Variants in EDA observed in about 807,000 individuals in gnomAD.
EDA encodes the protein ectodysplasin A.
EDA carries 2 observed loss-of-function variants against 23.6 expected under a neutral mutation model. That is an observed-to-expected ratio of 0.08 (90% CI 0.03 to 0.27). The LOEUF is 0.27. EDA is among the 10% of genes least tolerant of loss of function. EDA has a pLI of 1.00. For synonymous variants in EDA, 131 were observed against 132.0 expected, an observed-to-expected ratio of 0.99 and a Z score of 0.05; for missense variants, 229 against 324.2, an observed-to-expected ratio of 0.71 and a Z score of 2.26.
intron 1 of EDA, among the ~76,000 whole-genome samples, chrX:69,830,949 A>G: frequency 9.0e-6 from 1 of 111,664 alleles, no homozygotes; most frequent in Non-Finnish European, 1.9e-5. Context: ...TATACCACAT[A>G]CTATGTTTCT....
intron 1 of EDA, among the ~76,000 whole-genome samples, chrX:69,727,169 T>C (rs2012839168): frequency 9.0e-6 from 1 of 111,669 alleles, no homozygotes; most frequent in Non-Finnish European, 1.9e-5. Context: ...AGTGAACTCC[T>C]CTCGACGACT....
rs1274885906 is a variant in EDA at position 70,027,968 on chromosome X, T to C, written c.638T>C (p.Val213Ala). 1 of 1,189,651 alleles carries C rather than the reference T, an allele frequency of 8.4e-7. No individual in the cohort carries two copies. The highest frequency in any genetic ancestry group is 1.9e-5 in the South Asian group (1 of 54,015). ...ATTCCTGGAATTCCAGGAACAACTG[T>C]TATGGGACCACCTGGTCCTCCAGGT... ...PGIPGIPGTTVMGPPGPPGPP... is the reference protein window; with the variant it reads ...PGIPGIPGTTAMGPPGPPGPP... The change falls in exon 4 of 8, where the codon GTT becomes GCT. Residue 213 changes from valine (V) to alanine (A), a missense_variant. This residue lies in a region of EDA where 175 missense variants were observed against 281.8 expected (regional missense o/e 0.62). Coordinates refer to ENST00000374552, the MANE Select transcript of EDA (RefSeq NM_001399.5).
At chrX:69,803,153 C>T (rs1173495732) in intron 1 of EDA, among the ~76,000 whole-genome samples, 1 of 111,365 alleles carries the variant, frequency 9.0e-6, no homozygotes, top group Non-Finnish European at 1.9e-5. Context: ...TCCATACCAA[C>T]CCTTCTGTGA....
intron 1 of EDA, among the ~76,000 whole-genome samples, chrX:69,630,867 A>G (rs777105323): frequency 4.5e-5 from 5 of 111,327 alleles, no homozygotes; most frequent in Admixed American, 9.6e-5. Context: ...ATTTATTTCC[A>G]CAAGTTGTAG....
intron 1 of EDA, among the ~76,000 whole-genome samples, chrX:69,771,047 T>A (rs1383833976): frequency 9.2e-6 from 1 of 108,905 alleles, no homozygotes; most frequent in African/African-American, 3.3e-5. Context: ...AAGAAAGTAT[T>A]TATTTATTTA....
chrX:69,700,529 G>T (rs113191880), intron 1 of EDA, among the ~76,000 whole-genome samples: 1,947 of 111,265 alleles, frequency 0.017, 48 homozygotes, highest in African/African-American at 0.061. Context: ...AGTTCCATCT[G>T]GCTTTTTGAC....
In EDA at chrX:69,658,981, A is replaced by T. The variant is rs751089382; in HGVS notation, c.396+42277A>T. Among the ~76,000 whole-genome samples, 6 of 111,764 alleles carry T rather than the reference A, an allele frequency of 5.4e-5. No individual in the cohort carries two copies. The South Asian group carries it at 1.9e-3, about 35-fold the overall frequency. The stretch of plus-strand genomic sequence containing the variant: ...AAACTGATTTTCCATCCACACCCAC[A>T]GCAATACAAAAGATAACCTCCCTGG... On this transcript the variant is annotated intron_variant, in intron 1 of 7. Coordinates refer to ENST00000374552, the MANE Select transcript of EDA (RefSeq NM_001399.5).
At chrX:69,653,795 T>C (rs1486240017) in intron 1 of EDA, among the ~76,000 whole-genome samples, 1 of 111,516 alleles carries the variant, frequency 9.0e-6, no homozygotes, top group African/African-American at 3.3e-5. Flanking sequence ...ATACAAAAAT[T>C]AATTCAAGAT....
At chrX:69,896,977 A>G (rs1026363792) in intron 1 of EDA, among the ~76,000 whole-genome samples, 2 of 111,967 alleles carry the variant, frequency 1.8e-5, no homozygotes, top group Non-Finnish European at 3.8e-5. Flanking sequence ...CTCTTTATAC[A>G]TATATTTTTC....
At chrX:69,849,691 T>C (rs2017085987) in intron 1 of EDA, among the ~76,000 whole-genome samples, 1 of 112,252 alleles carries the variant, frequency 8.9e-6, no homozygotes, top group Admixed American at 9.5e-5. Context: ...TCCACTCTTA[T>C]TATTTAACTT....
chrX:69,635,671 C>T (rs180823505), intron 1 of EDA, among the ~76,000 whole-genome samples: 96 of 100,033 alleles, frequency 9.6e-4, no homozygotes, highest in African/African-American at 3.5e-3. Flanking sequence ...TGGTTTCAAG[C>T]GATTCTCCTG....
intron 1 of EDA, among the ~76,000 whole-genome samples, chrX:69,858,517 T>C (rs1479697186): frequency 2.7e-5 from 3 of 112,386 alleles, no homozygotes; most frequent in Admixed American, 1.9e-4. Context: ...GTTCTATTTA[T>C]GTGATGAATC....
chrX:69,949,662 CA>C (rs1159499786), intron 1 of EDA, among the ~76,000 whole-genome samples: 23 of 109,543 alleles, frequency 2.1e-4, no homozygotes, highest in Admixed American at 9.7e-5. Flanking sequence ...CAATTAGAGT[CA>C]AAAAAAAATC....
chrX:69,733,720 C>T lies in EDA; in HGVS notation c.396+117016C>T, dbSNP rs1312209399. ...TATGGCCATTTTCATGATATTGATT[C>T]TTCCTATCCATGAGCATGGAATGTT... On this transcript the variant is annotated intron_variant, in intron 1 of 7. Transcript: ENST00000374552. 2.7e-5 allele frequency among the ~76,000 whole-genome samples: 3 copies of T among 111,436 alleles called. No homozygotes were observed. In the Admixed American group the frequency reaches 2.9e-4, roughly 11 times the overall value.
At chrX:69,670,384 C>G (rs1485583611) in intron 1 of EDA, 2 of 299,374 alleles carry the variant, frequency 6.7e-6, no homozygotes, top group Non-Finnish European at 1.2e-5. Context: ...GAGAGGGCCC[C>G]TTTGGGTAGT....
At chrX:70,007,305 C>T (rs1975501282) in intron 2 of EDA, among the ~76,000 whole-genome samples, 1 of 111,644 alleles carries the variant, frequency 9.0e-6, no homozygotes, top group South Asian at 3.8e-4. Flanking sequence ...GGCTGTGTCC[C>T]CACCTAAATC....
chrX:69,616,811 A>T, intron 1 of EDA, 107 bp downstream of exon 1: 2 of 1,058,522 alleles, frequency 1.9e-6, no homozygotes, highest in Non-Finnish European at 2.6e-6. Flanking sequence ...GCCAATTTAG[A>T]GGGCAGGACC....
At chrX:69,652,162 CTAGCAACATT>C (rs1388855107) in intron 1 of EDA, among the ~76,000 whole-genome samples, 1 of 110,984 alleles carries the variant, frequency 9.0e-6, no homozygotes, top group African/African-American at 3.3e-5. Context: ...GTGATTGCTT[CTAGCAACATT>C]TAGCTGCTCA....
At chrX:69,802,169 T>C (rs2015705660) in intron 1 of EDA, among the ~76,000 whole-genome samples, 2 of 110,553 alleles carry the variant, frequency 1.8e-5, no homozygotes, top group South Asian at 7.5e-4. Flanking sequence ...GAATACTATA[T>C]ACTAGAGGAA....
Sources: gnomAD v4.1 joint callset for allele counts (sites outside exome capture counted in the v4.1 genomes callset) on GRCh38, gnomAD v4.1.1 for gene constraint, gnomAD v4.1.1 regional missense constraint, MANE v1.5 for transcripts, NCBI Gene and HGNC (gene_info 2026-07-23, HGNC 2026-07-21) for gene names.